Variants in PREB observed in about 807,000 individuals in gnomAD.
The protein encoded by PREB is prolactin regulatory element binding.
In PREB, 29 loss-of-function variants were observed where a neutral mutation model predicts 46.7. The observed-to-expected ratio is 0.62, with a 90% CI of 0.46 to 0.85. The LOEUF (loss-of-function observed/expected upper bound fraction) is 0.85, where lower values mean the gene tolerates loss of function less well. Among genes scored for constraint, PREB ranks in the 40% least tolerant of loss-of-function variants. PREB has a pLI of 0.00. For synonymous variants in PREB, 224 were observed against 220.1 expected (o/e 1.02, Z -0.16); for missense variants, 494 against 528.4 (o/e 0.93, Z 0.64).
At position 27,132,193 on chromosome 2, in the gene PREB, G is replaced by C; in HGVS notation, c.926+37C>G. The stretch of plus-strand genomic sequence containing the variant: ...AGGACTCCTTTCCAAGCTCCCTCAG[G>C]GACCCCCTACCTAGCCAAGGCAGCA... On this transcript the variant is annotated intron_variant, in intron 6 of 8. Coordinates refer to ENST00000260643, the MANE Select transcript of PREB (RefSeq NM_013388.6). The surrounding 1 kb of genome is among the most constrained non-coding windows in gnomAD (Gnocchi z 4.0). The C allele has an allele frequency of 1.2e-6, 2 of 1,613,396 alleles. No individual in the cohort carries two copies. Among genetic ancestry groups the C allele is most frequent in the Non-Finnish European group, 8.5e-7 (1 of 1,179,350 alleles).
At chr2:27,133,868 A>AG in intron 1 of PREB, 147 bp from the exon 2 acceptor site, 1 of 741,056 alleles carries the variant, frequency 1.3e-6, no homozygotes, top group South Asian at 1.8e-5. Flanking sequence ...TGGGCCTCAC[A>AG]AATCTACACA....
rs1672221357 is a variant in PREB at position 27,130,847 on chromosome 2, AG to A, written c.*566del. ...GTTCATTTTCCCATTCCTCAAGGTA[AG>A]GGTAGACTACCTAGGAACTTATTGC... On this transcript the variant is annotated 3_prime_UTR_variant, in exon 9 of 9. Coordinates refer to ENST00000260643, the MANE Select transcript of PREB (RefSeq NM_013388.6). The A allele has an allele frequency of 7.5e-7, 1 of 1,324,774 alleles. No homozygotes were observed. The highest frequency in any genetic ancestry group is 1.5e-5 in the African/African-American group (1 of 68,536). The allele number at this position is 1,324,774 out of a possible 1,614,324, so 82.1% of individuals were successfully genotyped here.
Position 27,132,967 on chromosome 2 carries a change from G to A in PREB, c.547-44C>T. Reference sequence around the variant, plus strand: ...CATGGTTAACTCAGGTGTCCAGCAAGTACACTGTGACTGATGCCCACGCCA... The same window carrying A: ...CATGGTTAACTCAGGTGTCCAGCAAATACACTGTGACTGATGCCCACGCCA... On this transcript the variant is annotated intron_variant, in intron 3 of 8. Transcript: ENST00000260643. The surrounding 1 kb of genome is among the most constrained non-coding windows in gnomAD (Gnocchi z 4.0). 1.9e-6 allele frequency: 3 copies of A among 1,608,806 alleles called. No individual in the cohort carries two copies. Among genetic ancestry groups the A allele is most frequent in the East Asian group, 2.2e-5 (1 of 44,836 alleles).
chr2:27,134,220 C>T (rs1672404440), intron 1 of PREB, 67 bp downstream of exon 1: 3 of 1,466,088 alleles, frequency 2.0e-6, no homozygotes, highest in African/African-American at 2.9e-5. Context: ...CCCCGCGACC[C>T]CCCGGCCACC....
chr2:27,133,274 G>A lies in PREB; in HGVS notation c.389C>T (p.Ala130Val), dbSNP rs367810758. ...GAAPAEKKCG[A>V]ETQHEGLELR... ...TTCTAGCCCCTCGTGCTGGGTTTCCGCTCCACATTTCTTCTCTGCTGGGGC... is the reference window on the plus strand; with the variant it reads ...TTCTAGCCCCTCGTGCTGGGTTTCCACTCCACATTTCTTCTCTGCTGGGGC... Residue 130 changes from alanine (A) to valine (V), a missense_variant, in exon 3 of 9, where the codon GCG becomes GTG. By Grantham distance (64) the Ala-to-Val change is moderately conservative. Coordinates refer to ENST00000260643, the MANE Select transcript of PREB (RefSeq NM_013388.6). 20 of 1,614,140 alleles carry A rather than the reference G, an allele frequency of 1.2e-5. No individual in the cohort carries two copies. Among genetic ancestry groups the A allele is most frequent in the Admixed American group, 3.3e-5 (2 of 60,006 alleles).
At position 27,132,600 on chromosome 2, in the gene PREB, C is replaced by T. The variant is rs112627804; in HGVS notation, c.752+3G>A. 1.9e-5 allele frequency: 30 copies of T among 1,613,920 alleles called. 1 individual carries two copies. Among genetic ancestry groups the T allele is most frequent in the African/African-American group, 1.7e-4 (13 of 74,904 alleles). ...TTTCAGCCACCACCCAAAGTCTTCA[C>T]ACCTGCAGGCCTGGTAGCGGTAAGG... is the stretch of plus-strand genomic sequence containing the variant. On this transcript the variant is annotated splice_donor_region_variant and intron_variant, in intron 5 of 8. Transcript: ENST00000260643. This position sits in a 1 kb window ranked among gnomAD's most constrained non-coding sequence, Gnocchi z 4.0.
At chr2:27,131,909 G>A in intron 7 of PREB, 78 bp from the exon 8 acceptor site, 1 of 1,593,864 alleles carries the variant, frequency 6.3e-7, no homozygotes, top group East Asian at 2.2e-5. Context: ...CCCACCCCCA[G>A]GATTTCCCTC....
In PREB at chr2:27,134,229, C is replaced by T. The variant is rs182199152; in HGVS notation, c.135+58G>A. 6.3e-4 allele frequency: 937 copies of T among 1,488,180 alleles called. 11 individuals are homozygous for T. The African/African-American group carries it at 0.012, about 18-fold the overall frequency. 92.2% of individuals were successfully genotyped at this position (1,488,180 alleles called of 1,614,324 possible). On this transcript the variant is annotated intron_variant, in intron 1 of 8. Transcript: ENST00000260643. ...GGCCCGCCCCGCGACCCCCCGGCCA[C>T]CCTGGAATCGCCGCCAGCCCGCAGC...
In PREB at chr2:27,132,556, C is replaced by A; in HGVS notation, c.752+47G>T. The A allele has an allele frequency of 6.2e-7, 1 of 1,611,246 alleles. No individual in the cohort carries two copies. The highest frequency in any genetic ancestry group is 8.5e-7 in the Non-Finnish European group (1 of 1,178,792). On this transcript the variant is annotated intron_variant, in intron 5 of 8. Coordinates refer to ENST00000260643, the MANE Select transcript of PREB (RefSeq NM_013388.6). The surrounding 1 kb of genome is among the most constrained non-coding windows in gnomAD (Gnocchi z 4.0). ...CCCCAGTCTTTTCCCTCTCCCCCAC[C>A]ACAGCTGGGCTATGCCTCTTTCAGC...
chr2:27,132,196 C>T lies in PREB; in HGVS notation c.926+34G>A. 1 of 1,613,552 alleles carries T rather than the reference C, an allele frequency of 6.2e-7. No individual in the cohort carries two copies. The highest frequency in any genetic ancestry group is 8.5e-7 in the Non-Finnish European group (1 of 1,179,420). ...ACTCCTTTCCAAGCTCCCTCAGGGA[C>T]CCCCTACCTAGCCAAGGCAGCAATG... On this transcript the variant is annotated intron_variant, in intron 6 of 8. Transcript: ENST00000260643. This position sits in a 1 kb window ranked among gnomAD's most constrained non-coding sequence, Gnocchi z 4.0.
At chr2:27,133,427 G>T in intron 2 of PREB, 90 bp from the exon 3 acceptor site, 1 of 1,594,614 alleles carries the variant, frequency 6.3e-7, no homozygotes, top group African/African-American at 1.3e-5. Context: ...ACAACTTCTA[G>T]CTTGCTACCA....
Position 27,134,588 on chromosome 2 carries a change from G to T in PREB, c.-167C>A. On this transcript the variant is annotated 5_prime_UTR_variant, in exon 1 of 9. Transcript: ENST00000260643. The stretch of plus-strand genomic sequence containing the variant: ...CCAAAACCCTGACCATCAGCAGGAA[G>T]CCGAGCCTCAGCTCGGCTCCGTCCA... 2 of 1,343,312 alleles carry T rather than the reference G, an allele frequency of 1.5e-6. No homozygotes were observed. The highest frequency in any genetic ancestry group is 1.9e-6 in the Non-Finnish European group (2 of 1,053,196). The allele number at this position is 1,343,312 out of a possible 1,614,324, so 83.2% of individuals were successfully genotyped here. A position where few individuals can be genotyped will look rare whatever the true frequency, so the allele number is the denominator to read the frequency against.
chr2:27,134,218 C>T (rs965796787), intron 1 of PREB, 69 bp downstream of exon 1: 14 of 1,449,126 alleles, frequency 9.7e-6, no homozygotes, highest in Middle Eastern at 1.9e-4. Context: ...CGCCCCGCGA[C>T]CCCCCGGCCA....
rs2148416271 is a variant in PREB at position 27,130,848 on chromosome 2, G to T, written c.*566C>A. On this transcript the variant is annotated 3_prime_UTR_variant, in exon 9 of 9. Transcript: ENST00000260643. ...TTCATTTTCCCATTCCTCAAGGTAAGGGTAGACTACCTAGGAACTTATTGC... is the reference window on the plus strand; with the variant it reads ...TTCATTTTCCCATTCCTCAAGGTAATGGTAGACTACCTAGGAACTTATTGC... The T allele has an allele frequency of 7.5e-7, 1 of 1,328,744 alleles. No homozygotes were observed. Among genetic ancestry groups the T allele is most frequent in the East Asian group, 2.4e-5 (1 of 41,134 alleles). The allele number at this position is 1,328,744 out of a possible 1,614,324, so 82.3% of individuals were successfully genotyped here. A position where few individuals can be genotyped will look rare whatever the true frequency, so the allele number is the denominator to read the frequency against.
At position 27,130,767 on chromosome 2, in the gene PREB, A is replaced by G; in HGVS notation, c.*647T>C. 1 of 1,605,658 alleles carries G rather than the reference A, an allele frequency of 6.2e-7. No individual in the cohort carries two copies. The highest frequency in any genetic ancestry group is 8.5e-7 in the Non-Finnish European group (1 of 1,172,530). The stretch of plus-strand genomic sequence containing the variant: ...TGACAAGAGTACCATTTGGGGTCTC[A>G]GTTCACTCTTTCCTTGTTTATTAAA... On this transcript the variant is annotated 3_prime_UTR_variant, in exon 9 of 9. Transcript: ENST00000260643.
Position 27,132,597 on chromosome 2 carries a change from TCAC to T in PREB, c.752+3_752+5del. 1 of 1,613,832 alleles carries T rather than the reference TCAC, an allele frequency of 6.2e-7. No individual in the cohort carries two copies. The highest frequency in any genetic ancestry group is 1.1e-5 in the South Asian group (1 of 91,062). ...CTCTTTCAGCCACCACCCAAAGTCTTCACACCTGCAGGCCTGGTAGCGGTAAGG... is the reference window on the plus strand; with the variant it reads ...CTCTTTCAGCCACCACCCAAAGTCTTACCTGCAGGCCTGGTAGCGGTAAGG... On this transcript the variant is annotated splice_donor_5th_base_variant and intron_variant, in intron 5 of 8. Coordinates refer to ENST00000260643, the MANE Select transcript of PREB (RefSeq NM_013388.6). The surrounding 1 kb of genome is among the most constrained non-coding windows in gnomAD (Gnocchi z 4.0).
chr2:27,132,890 C>A lies in PREB; in HGVS notation c.580G>T (p.Ala194Ser), dbSNP rs745966599. Residue 194 changes from alanine to serine, a missense_variant, in exon 4 of 9, where the codon GCC (alanine) becomes TCC (serine). Ala to Ser is a moderately conservative substitution (Grantham distance 99). Coordinates refer to ENST00000260643, the MANE Select transcript of PREB (RefSeq NM_013388.6). The surrounding 1 kb of genome is among the most constrained non-coding windows in gnomAD (Gnocchi z 4.0). ...PSLEKVLEFK[A>S]HEGEIEDLAL... is the part of the protein sequence containing the mutation. Reference sequence around the variant, plus strand: ...AGGTCTTCAATCTCCCCTTCGTGGGCTTTGAACTCCAGAACCTTCTCCAGG... The same window carrying A: ...AGGTCTTCAATCTCCCCTTCGTGGGATTTGAACTCCAGAACCTTCTCCAGG... 3.7e-6 allele frequency: 6 copies of A among 1,614,074 alleles called. No individual in the cohort carries two copies. Among genetic ancestry groups the A allele is most frequent in the Non-Finnish European group, 5.1e-6 (6 of 1,180,016 alleles).
chr2:27,133,180 G>A lies in PREB; in HGVS notation c.483C>T (p.Cys161=). ...CAAGCAGGGTATTATCGTGGTTGAA[G>A]CACACAACTTTCTGCAGTGGATCGG... ...FSSDPLQKVV[C]FNHDNTLLAT... Residue 161 remains cysteine (C), a synonymous_variant, in exon 3 of 9, where the codon TGC becomes TGT. Transcript: ENST00000260643. The A allele has an allele frequency of 3.1e-6, 5 of 1,614,212 alleles. No individual in the cohort carries two copies. Among genetic ancestry groups the A allele is most frequent in the Non-Finnish European group, 4.2e-6 (5 of 1,180,044 alleles).
Position 27,132,632 on chromosome 2 carries a change from G to A in PREB, c.723C>T (p.Ser241=). 6.2e-7 allele frequency: 1 copy of A among 1,614,124 alleles called. No individual in the cohort carries two copies. Among genetic ancestry groups the A allele is most frequent in the South Asian group, 1.1e-5 (1 of 91,072 alleles). The change falls in exon 5 of 9, where the codon TCC becomes TCT. Residue 241 remains serine, a synonymous_variant. Transcript: ENST00000260643. The surrounding 1 kb of genome is among the most constrained non-coding windows in gnomAD (Gnocchi z 4.0). ...LHWQENGPTF[S]STPYRYQACR... is the part of the protein sequence containing the mutation. ...AGGCCTGGTAGCGGTAAGGTGTGCT[G>A]GAAAAGGTGGGTCCATTTTCTTGCC...
Sources: allele counts gnomAD v4.1 joint callset, GRCh38; gene constraint gnomAD v4.1.1; non-coding constraint Gnocchi (gnomAD v3.1); transcripts MANE v1.5; gene names NCBI Gene and HGNC (gene_info 2026-07-23, HGNC 2026-07-21).